KCNIP4: variants seen among roughly 807,000 people sequenced by gnomAD.
KCNIP4 encodes the protein potassium voltage-gated channel interacting protein 4, also known as Kv channel-interacting protein 4.
A neutral mutation model predicts 34.0 loss-of-function variants in KCNIP4; 12 were observed. The observed-to-expected ratio is 0.35, with a 90% CI of 0.23 to 0.57. The LOEUF (loss-of-function observed/expected upper bound fraction) is 0.57, where lower values mean the gene tolerates loss of function less well. Among genes scored for constraint, KCNIP4 ranks in the 20% least tolerant of loss-of-function variants. The pLI, the probability that KCNIP4 is intolerant of heterozygous loss-of-function variation, is 0.83. For synonymous variants in KCNIP4, 124 were observed against 102.2 expected (o/e 1.21, Z -1.29); for missense variants, 238 against 311.7 (o/e 0.76, Z 1.78).
intron 1 of KCNIP4, among the ~76,000 whole-genome samples, chr4:21,061,776 A>G (rs1355092766): frequency 6.6e-6 from 1 of 152,198 alleles, no homozygotes; most frequent in Non-Finnish European, 1.5e-5. Context: ...GTATCTCAGA[A>G]TGTGACTGTA....
intron 1 of KCNIP4, among the ~76,000 whole-genome samples, chr4:21,323,934 A>T (rs1714764150): frequency 1.3e-5 from 2 of 151,982 alleles, no homozygotes; most frequent in African/African-American, 4.8e-5. Context: ...TTTAGATAAA[A>T]ACCATTTTAA....
At chr4:21,221,876 C>G (rs955437543) in intron 1 of KCNIP4, among the ~76,000 whole-genome samples, 17 of 152,142 alleles carry the variant, frequency 1.1e-4, no homozygotes, top group African/African-American at 4.1e-4. Flanking sequence ...GATGGCCACA[C>G]GAATAAGTTT....
intron 1 of KCNIP4, among the ~76,000 whole-genome samples, chr4:21,008,348 G>A (rs530525765): frequency 1.3e-5 from 2 of 152,256 alleles, no homozygotes; most frequent in Non-Finnish European, 2.9e-5. Context: ...CAATTTTGGG[G>A]AGCCATTAAG....
chr4:21,126,703 G>A (rs1408288856), intron 1 of KCNIP4, among the ~76,000 whole-genome samples: 2 of 151,764 alleles, frequency 1.3e-5, no homozygotes, highest in Non-Finnish European at 2.9e-5. Context: ...TTTCTGGAAG[G>A]GATCAAGTTC....
chr4:21,072,606 T>C (rs1745069003), intron 1 of KCNIP4, among the ~76,000 whole-genome samples: 1 of 152,178 alleles, frequency 6.6e-6, no homozygotes, highest in Non-Finnish European at 1.5e-5. Context: ...GCCTGTTCAC[T>C]CTGATGGTAG....
At chr4:21,359,939 T>A (rs1719042960) in intron 1 of KCNIP4, among the ~76,000 whole-genome samples, 1 of 152,096 alleles carries the variant, frequency 6.6e-6, no homozygotes, top group African/African-American at 2.4e-5. Context: ...TAACATGGTA[T>A]TATAAAGGAA....
chr4:21,391,047 C>A (rs1234130523), intron 1 of KCNIP4, among the ~76,000 whole-genome samples: 1 of 152,008 alleles, frequency 6.6e-6, no homozygotes, highest in Non-Finnish European at 1.5e-5. Flanking sequence ...TTTTTATTTT[C>A]ATTTTCTTGA....
At chr4:20,793,066 C>T (rs904435139) in intron 3 of KCNIP4, among the ~76,000 whole-genome samples, 4 of 152,098 alleles carry the variant, frequency 2.6e-5, no homozygotes, top group Admixed American at 6.5e-5. Context: ...TGAAAATATA[C>T]ACATTTACCC....
At chr4:21,773,981 T>C (rs1022140172) in intron 1 of KCNIP4, among the ~76,000 whole-genome samples, 1 of 152,084 alleles carries the variant, frequency 6.6e-6, no homozygotes, top group Non-Finnish European at 1.5e-5. Flanking sequence ...CCTGACATCA[T>C]GATGCTATTT....
rs575227669 is a variant in KCNIP4, at chr4:21,268,560, C to T, written c.62-385851G>A. On this transcript the variant is annotated intron_variant, in intron 1 of 8. Transcript: ENST00000382152. ...TCTAAACTAATGAGTCTGACTTTGTCTTGAGGGAGGCAGAGGAGGGGAGGT... is the reference window on the plus strand; with the variant it reads ...TCTAAACTAATGAGTCTGACTTTGTTTTGAGGGAGGCAGAGGAGGGGAGGT... 1.9e-3 allele frequency among the ~76,000 whole-genome samples: 284 copies of T among 152,226 alleles called. 2 individuals carry two copies. Among genetic ancestry groups the T allele is most frequent in the African/African-American group, 6.4e-3 (265 of 41,526 alleles).
intron 1 of KCNIP4, among the ~76,000 whole-genome samples, chr4:21,772,486 T>C (rs1022339789): frequency 2.0e-5 from 3 of 152,170 alleles, no homozygotes; most frequent in Admixed American, 6.5e-5. Flanking sequence ...TTGGAATAGT[T>C]TCAGAAGGAA....
chr4:21,768,024 T>C (rs1401192841), intron 1 of KCNIP4, among the ~76,000 whole-genome samples: 3 of 152,152 alleles, frequency 2.0e-5, no homozygotes, highest in Admixed American at 6.6e-5. Context: ...TTTGCTCTTA[T>C]TATACACATC....
chr4:21,792,371 T>C (rs11939350), intron 1 of KCNIP4, among the ~76,000 whole-genome samples: 16,039 of 152,184 alleles, frequency 0.11, 2,887 homozygotes, highest in African/African-American at 0.37. Flanking sequence ...AATTTTTATA[T>C]TAACATATAA....
intron 1 of KCNIP4, among the ~76,000 whole-genome samples, chr4:21,596,530 C>T (rs1055214166): frequency 3.9e-5 from 6 of 152,024 alleles, no homozygotes; most frequent in Non-Finnish European, 8.8e-5. Flanking sequence ...ATTGTGTGTG[C>T]ACTGTTTTGA....
intron 1 of KCNIP4, among the ~76,000 whole-genome samples, chr4:21,632,948 A>C (rs1017778808): frequency 6.6e-6 from 1 of 152,190 alleles, no homozygotes; most frequent in Admixed American, 6.5e-5. Flanking sequence ...ATAATCTTAT[A>C]CTGAGGTTAT....
At position 21,762,986 on chromosome 4, in the gene KCNIP4, T is replaced by C. The variant is rs944981088; in HGVS notation, c.61+185585A>G. ...CTGGGACCACTGGGTGTAAGTCTTCTTGTCAAGGACAGCACTTGGTACACA... is the reference window on the plus strand; with the variant it reads ...CTGGGACCACTGGGTGTAAGTCTTCCTGTCAAGGACAGCACTTGGTACACA... On this transcript the variant is annotated intron_variant, in intron 1 of 8. Coordinates refer to ENST00000382152, the MANE Select transcript of KCNIP4 (RefSeq NM_025221.6). The C allele has an allele frequency of 2.3e-6, 3 of 1,288,914 alleles. No individual in the cohort carries two copies. In the South Asian group the frequency reaches 3.7e-5, roughly 16 times the overall value. 79.8% of individuals were successfully genotyped at this position (1,288,914 alleles called of 1,614,324 possible).
rs375151692 is a variant in KCNIP4 at position 21,036,975 on chromosome 4, T to C, written c.62-154266A>G. ...GCCCTGGGGTAGGCCTTGGCTAATG[T>C]GTGTGTTTGTGTCTTTGTTTTAACA... On this transcript the variant is annotated intron_variant, in intron 1 of 8. Coordinates refer to ENST00000382152, the MANE Select transcript of KCNIP4 (RefSeq NM_025221.6). Among the ~76,000 whole-genome samples, 224 of 152,204 alleles carry C rather than the reference T, an allele frequency of 1.5e-3. 2 individuals are homozygous for C. The highest frequency in any genetic ancestry group is 0.01 in the Middle Eastern group (3 of 294).
At chr4:20,925,816 G>A (rs1341364606) in intron 1 of KCNIP4, among the ~76,000 whole-genome samples, 1 of 152,122 alleles carries the variant, frequency 6.6e-6, no homozygotes, top group Admixed American at 6.5e-5. Flanking sequence ...AAGGAAAAAG[G>A]CACATGGGGC....
intron 1 of KCNIP4, among the ~76,000 whole-genome samples, chr4:21,795,370 C>T: frequency 6.6e-6 from 1 of 152,164 alleles, no homozygotes; most frequent in East Asian, 1.9e-4. Context: ...GTTGCGTAAG[C>T]CACCCAGTCT....
Sources: allele counts gnomAD v4.1 joint callset (sites outside exome capture counted in the v4.1 genomes callset), GRCh38; gene constraint gnomAD v4.1.1; transcripts MANE v1.5; gene names NCBI Gene and HGNC (gene_info 2026-07-23, HGNC 2026-07-21).